The following ROBO2 variants were observed in gnomAD, a reference collection of about 807,000 sequenced individuals.
The protein encoded by ROBO2 is roundabout homolog 2.
A neutral mutation model predicts 160.8 loss-of-function variants in ROBO2; 53 were observed. The observed-to-expected ratio is 0.33, with a 90% CI of 0.26 to 0.41. ROBO2 has a LOEUF of 0.41. Ranked by LOEUF, ROBO2 falls within the 10% of genes least tolerant of loss-of-function variation. ROBO2 has a pLI of 1.00. For missense variants in ROBO2, 1,577 were observed against 1,722.4 expected, an observed-to-expected ratio of 0.92 and a Z score of 1.49; for synonymous variants, 664 against 611.7, an observed-to-expected ratio of 1.09 and a Z score of -1.26.
intron 2 of ROBO2, among the ~76,000 whole-genome samples, chr3:76,626,107 T>C (rs2089623900): frequency 6.6e-6 from 1 of 152,200 alleles, no homozygotes; most frequent in Non-Finnish European, 1.5e-5. Context: ...CAGAAGACTT[T>C]AAGAATAAGA....
chr3:77,270,320 G>T lies in ROBO2; in HGVS notation c.388+171980G>T, dbSNP rs966120202. Reference sequence around the variant, plus strand: ...TGTAAGTAAGACTCTGCCACATTCTGATATCAACATTGTCAATGAGAAAAC... The same window carrying T: ...TGTAAGTAAGACTCTGCCACATTCTTATATCAACATTGTCAATGAGAAAAC... On this transcript the variant is annotated intron_variant, in intron 2 of 25. Transcript: ENST00000461745. 3.3e-5 allele frequency among the ~76,000 whole-genome samples: 5 copies of T among 152,226 alleles called. 1 individual carries two copies.
chr3:77,259,423 C>T (rs761164600), intron 2 of ROBO2, among the ~76,000 whole-genome samples: 15 of 152,048 alleles, frequency 9.9e-5, no homozygotes, highest in South Asian at 2.1e-4. Flanking sequence ...TTGAATGAAT[C>T]AGTGAATAAA....
At chr3:77,239,719 C>T (rs1430487494) in intron 2 of ROBO2, among the ~76,000 whole-genome samples, 1 of 151,998 alleles carries the variant, frequency 6.6e-6, no homozygotes, top group Non-Finnish European at 1.5e-5. Context: ...TCTCCAAGTC[C>T]CCACTAGATT....
At chr3:75,944,081 C>A (rs1004120933) in intron 2 of ROBO2, among the ~76,000 whole-genome samples, 1 of 151,978 alleles carries the variant, frequency 6.6e-6, no homozygotes, top group Non-Finnish European at 1.5e-5. Context: ...GAAATTTTTT[C>A]TAGGACTTTC....
At chr3:76,236,338 G>A (rs1704943374) in intron 2 of ROBO2, among the ~76,000 whole-genome samples, 1 of 152,018 alleles carries the variant, frequency 6.6e-6, no homozygotes, top group South Asian at 2.1e-4. Context: ...GTTTATCTTG[G>A]TTTTGGAGGC....
At chr3:77,453,105 A>G (rs1452693417) in intron 2 of ROBO2, among the ~76,000 whole-genome samples, 5 of 152,120 alleles carry the variant, frequency 3.3e-5, no homozygotes, top group African/African-American at 1.2e-4. Flanking sequence ...AATCTTACCA[A>G]CATCTTATTC....
chr3:76,397,346 C>G (rs1157745507), intron 2 of ROBO2, among the ~76,000 whole-genome samples: 1 of 152,020 alleles, frequency 6.6e-6, no homozygotes, highest in East Asian at 1.9e-4. Context: ...AAGACTTAAA[C>G]GTTACACCTA....
intron 2 of ROBO2, among the ~76,000 whole-genome samples, chr3:76,044,197 A>G (rs2067373407): frequency 6.6e-6 from 1 of 152,042 alleles, no homozygotes; most frequent in South Asian, 2.1e-4. Flanking sequence ...ATAGCAGCAA[A>G]GGAAGATGTG....
chr3:76,884,545 A>G (rs1297462678), intron 2 of ROBO2, among the ~76,000 whole-genome samples: 1 of 152,184 alleles, frequency 6.6e-6, no homozygotes, highest in Non-Finnish European at 1.5e-5. Context: ...TCACCAGGCA[A>G]GCGTCCCCTA....
At position 77,345,342 on chromosome 3, in the gene ROBO2, A is replaced by G. The variant is rs547484519; in HGVS notation, c.389-132072A>G. On this transcript the variant is annotated intron_variant, in intron 2 of 25. Coordinates refer to ENST00000461745, the Ensembl canonical transcript of ROBO2. ...AGGTAGAAACATGGCAGACTTGGAA[A>G]TCACACACCCTTACCACACATGATT... is the stretch of plus-strand genomic sequence containing the variant. 3.0e-4 allele frequency among the ~76,000 whole-genome samples: 45 copies of G among 152,198 alleles called. 1 individual carries two copies. The South Asian group carries it at 9.1e-3, about 31-fold the overall frequency.
chr3:76,626,737 G>A (rs1254415178), intron 2 of ROBO2, among the ~76,000 whole-genome samples: 1 of 151,726 alleles, frequency 6.6e-6, no homozygotes, highest in Non-Finnish European at 1.5e-5. Context: ...CTGTCGCCCA[G>A]GCTGGAGTGC....
chr3:76,175,842 C>T (rs2073209344), intron 2 of ROBO2, among the ~76,000 whole-genome samples: 1 of 152,120 alleles, frequency 6.6e-6, no homozygotes, highest in South Asian at 2.1e-4. Flanking sequence ...ATTACTTTTC[C>T]CTCCTGGATG....
chr3:77,424,064 G>A (rs1452598583), intron 2 of ROBO2, among the ~76,000 whole-genome samples: 1 of 152,034 alleles, frequency 6.6e-6, no homozygotes, highest in African/African-American at 2.4e-5. Context: ...CCTTGATATT[G>A]CTCTTTAAGA....
chr3:77,165,736 G>C (rs549533777), intron 2 of ROBO2, among the ~76,000 whole-genome samples: 7 of 152,222 alleles, frequency 4.6e-5, no homozygotes, highest in African/African-American at 1.4e-4. Context: ...GAACACATCT[G>C]TATCACCAGC....
chr3:76,243,235 C>A (rs1705408372), intron 2 of ROBO2, among the ~76,000 whole-genome samples: 1 of 151,978 alleles, frequency 6.6e-6, no homozygotes, highest in Non-Finnish European at 1.5e-5. Flanking sequence ...ATATTTTGAA[C>A]CCTGTGCTGC....
At chr3:76,738,890 A>G (rs1281669801) in intron 2 of ROBO2, among the ~76,000 whole-genome samples, 1 of 152,096 alleles carries the variant, frequency 6.6e-6, no homozygotes. Context: ...GTAGTTGGGT[A>G]AAATTTGATA....
At chr3:76,525,162 C>A (rs1352049243) in intron 2 of ROBO2, among the ~76,000 whole-genome samples, 1 of 151,670 alleles carries the variant, frequency 6.6e-6, no homozygotes, top group Non-Finnish European at 1.5e-5. Context: ...GTACATAGAG[C>A]TTCTAGTACA....
chr3:76,892,658 C>G (rs2074439779), intron 2 of ROBO2, among the ~76,000 whole-genome samples: 1 of 152,160 alleles, frequency 6.6e-6, no homozygotes, highest in Non-Finnish European at 1.5e-5. Flanking sequence ...AAAAATACAA[C>G]TCTGGTTAAA....
chr3:77,374,159 G>C (rs1459318443), intron 2 of ROBO2, among the ~76,000 whole-genome samples: 1 of 94,116 alleles, frequency 1.1e-5, no homozygotes, highest in Admixed American at 1.9e-4. Flanking sequence ...CGACAACAGC[G>C]AGACTCCATC....
Sources: allele counts gnomAD v4.1 joint callset (sites outside exome capture counted in the v4.1 genomes callset), GRCh38; gene constraint gnomAD v4.1.1; transcripts MANE v1.5; gene names NCBI Gene and HGNC (gene_info 2026-07-23, HGNC 2026-07-21).